Variants in IFT88 observed in about 807,000 individuals in gnomAD.
IFT88 encodes intraflagellar transport 88.
In IFT88, 74 loss-of-function variants were observed where a neutral mutation model predicts 119.5. The observed-to-expected ratio is 0.62, with a 90% CI of 0.51 to 0.75. The LOEUF is 0.75. IFT88 is among the 30% of genes least tolerant of loss of function. The pLI is 0.00. For missense variants in IFT88, 961 were observed against 977.7 expected (o/e 0.98, Z 0.23); for synonymous variants, 279 against 316.7 (o/e 0.88, Z 1.26).
chr13:20,600,334 A>G (rs1043900484), intron 11 of IFT88, among the ~76,000 whole-genome samples: 7 of 152,110 alleles, frequency 4.6e-5, no homozygotes, highest in African/African-American at 1.7e-4. Flanking sequence ...TAATCAAGAC[A>G]ATGGGTGCTA....
intron 20 of IFT88, among the ~76,000 whole-genome samples, chr13:20,648,011 A>G (rs2051003837): frequency 6.6e-6 from 1 of 152,216 alleles, no homozygotes; most frequent in Non-Finnish European, 1.5e-5. Flanking sequence ...CTCACCAGAA[A>G]CCTTGGAGGC....
At chr13:20,656,341 T>C in intron 21 of IFT88, 24 bp from the exon 22 acceptor site, 1 of 1,084,236 alleles carries the variant, frequency 9.2e-7, no homozygotes. Flanking sequence ...TTTGCTAATA[T>C]ATTTTTCTCT....
chr13:20,623,560 C>T lies in IFT88; in HGVS notation c.1200-2190C>T, dbSNP rs191540812. ...CGTGATCTCGGCTCACTGCAAGCTC[C>T]GCCTCCCGGGTTCACGCCATTCTCC... On this transcript the variant is annotated intron_variant, in intron 14 of 25. Transcript: ENST00000351808. Among the ~76,000 whole-genome samples the T allele has an allele frequency of 1.6e-4, 24 of 152,138 alleles. No individual in the cohort carries two copies. In the East Asian group the frequency reaches 2.5e-3, roughly 16 times the overall value.
intron 24 of IFT88, among the ~76,000 whole-genome samples, chr13:20,676,983 C>T (rs917134928): frequency 1.3e-5 from 2 of 152,090 alleles, no homozygotes; most frequent in Non-Finnish European, 2.9e-5. Context: ...CCCTTCCTAC[C>T]TTTCTGCTGT....
chr13:20,639,930 A>G (rs1366297198), intron 17 of IFT88, among the ~76,000 whole-genome samples: 1 of 151,544 alleles, frequency 6.6e-6, no homozygotes, highest in Non-Finnish European at 1.5e-5. Flanking sequence ...CTGGAACCAC[A>G]GGTGCGCTCC....
chr13:20,604,931 G>T, intron 12 of IFT88, 104 bp from the exon 13 acceptor site: 1 of 557,568 alleles, frequency 1.8e-6, no homozygotes, highest in Middle Eastern at 3.0e-4. Flanking sequence ...ACTGCAGCCT[G>T]GGCAATAGAG....
chr13:20,591,766 A>G (rs2040728699), intron 6 of IFT88, 85 bp downstream of exon 6: 1 of 861,246 alleles, frequency 1.2e-6, no homozygotes, highest in African/African-American at 1.7e-5. Flanking sequence ...CTGTCATTTT[A>G]AATAAAATCT....
intron 1 of IFT88, chr13:20,567,937 C>A (rs1593561224): frequency 5.8e-6 from 4 of 695,160 alleles, no homozygotes; most frequent in Non-Finnish European, 1.1e-5. Context: ...TCTTTGGCTT[C>A]CCTGGGCCAC....
intron 3 of IFT88, among the ~76,000 whole-genome samples, chr13:20,583,889 C>G (rs1031819578): frequency 6.6e-6 from 1 of 152,132 alleles, no homozygotes; most frequent in African/African-American, 2.4e-5. Flanking sequence ...CAGACCGTCC[C>G]TTCCCTGTTG....
At chr13:20,662,077 AT>A (rs2053904096) in intron 22 of IFT88, among the ~76,000 whole-genome samples, 1 of 152,210 alleles carries the variant, frequency 6.6e-6, no homozygotes, top group Non-Finnish European at 1.5e-5. Flanking sequence ...TTTGAAAGAT[AT>A]TTAATAGAGC....
At chr13:20,634,306 C>G (rs2048670929) in intron 16 of IFT88, among the ~76,000 whole-genome samples, 1 of 152,166 alleles carries the variant, frequency 6.6e-6, no homozygotes, top group African/African-American at 2.4e-5. Context: ...TCTACCACTG[C>G]CTGCACTGAG....
chr13:20,580,220 T>A (rs1487208390), intron 2 of IFT88, among the ~76,000 whole-genome samples: 2 of 152,114 alleles, frequency 1.3e-5, no homozygotes, highest in Non-Finnish European at 2.9e-5. Context: ...ATATAGGTGA[T>A]TAGAAGTATT....
intron 9 of IFT88, among the ~76,000 whole-genome samples, chr13:20,598,127 T>C (rs1292796927): frequency 6.6e-6 from 1 of 152,202 alleles, no homozygotes; most frequent in East Asian, 1.9e-4. Flanking sequence ...AGATGCTTAC[T>C]GTTTATAGCT....
At chr13:20,654,907 G>A (rs1336219672) in intron 21 of IFT88, among the ~76,000 whole-genome samples, 3 of 152,104 alleles carry the variant, frequency 2.0e-5, no homozygotes, top group African/African-American at 7.2e-5. Flanking sequence ...CTTCAGTTAT[G>A]GAAGTACAGG....
At chr13:20,626,350 G>A (rs567718660) in intron 15 of IFT88, among the ~76,000 whole-genome samples, 94 of 152,124 alleles carry the variant, frequency 6.2e-4, no homozygotes, top group African/African-American at 2.2e-3. Context: ...GTGAGCCACC[G>A]CGCCCAGCTG....
intron 24 of IFT88, among the ~76,000 whole-genome samples, chr13:20,678,852 A>G (rs1300431282): frequency 1.3e-5 from 2 of 152,198 alleles, no homozygotes; most frequent in Non-Finnish European, 2.9e-5. Context: ...TGGGATCTGC[A>G]TCGGCAGACT....
intron 14 of IFT88, among the ~76,000 whole-genome samples, chr13:20,617,292 G>C (rs1197022236): frequency 6.6e-6 from 1 of 152,086 alleles, no homozygotes; most frequent in African/African-American, 2.4e-5. Context: ...GTGGGGTGGG[G>C]TGGGTAAGGG....
At chr13:20,604,134 C>T (rs564036677) in intron 12 of IFT88, among the ~76,000 whole-genome samples, 8 of 152,160 alleles carry the variant, frequency 5.3e-5, no homozygotes, top group Admixed American at 3.3e-4. Flanking sequence ...CCCACCTACT[C>T]GAGAAGCTGA....
rs1446233700 is a variant in IFT88, at chr13:20,691,254, A to T, written c.*79A>T. The T allele has an allele frequency of 7.7e-7, 1 of 1,294,182 alleles. No individual in the cohort carries two copies. The highest frequency in any genetic ancestry group is 1.5e-5 in the African/African-American group (1 of 66,764). 80.2% of individuals were successfully genotyped at this position (1,294,182 alleles called of 1,614,324 possible). A position where few individuals can be genotyped will look rare whatever the true frequency, so the allele number is the denominator to read the frequency against. ...ATGTTAAACCTTGGATTAAATATCT[A>T]ACCTGTAATTATTTTTTTTCACTGT... On this transcript the variant is annotated 3_prime_UTR_variant, in exon 26 of 26. Coordinates refer to ENST00000351808, the MANE Select transcript of IFT88 (RefSeq NM_006531.5).
Sources: gnomAD v4.1 joint callset for allele counts (sites outside exome capture counted in the v4.1 genomes callset) on GRCh38, gnomAD v4.1.1 for gene constraint, MANE v1.5 for transcripts, NCBI Gene and HGNC (gene_info 2026-07-23, HGNC 2026-07-21) for gene names.